Variants in ANKRD30A observed in about 807,000 individuals in gnomAD.
ANKRD30A encodes ankyrin repeat domain-containing protein 30A.
Under a neutral mutation model 166.3 loss-of-function variants are expected in ANKRD30A, and 170 were observed. The observed-to-expected ratio is 1.02, with a 90% CI of 0.90 to 1.16. The LOEUF (loss-of-function observed/expected upper bound fraction) is 1.16. Among genes scored for constraint, ANKRD30A ranks in the 50% most tolerant of loss-of-function variants. ANKRD30A has a pLI of 0.00. For synonymous variants in ANKRD30A, 564 were observed against 508.9 expected (o/e 1.11, Z -1.46); for missense variants, 1,630 against 1,518.0 (o/e 1.07, Z -1.23).
intron 3 of ANKRD30A, 101 bp from the exon 4 acceptor site, chr10:37,132,139 C>A (rs1564464606): frequency 6.4e-6 from 5 of 775,786 alleles, no homozygotes; most frequent in African/African-American, 1.8e-5. Flanking sequence ...GATTTACTTT[C>A]TATTTTATGT....
At chr10:37,127,046 C>CAAAA (rs71007622) in intron 1 of ANKRD30A, among the ~76,000 whole-genome samples, 3 of 16,504 alleles carry the variant, frequency 1.8e-4, no homozygotes, top group Non-Finnish European at 2.7e-4. Context: ...AACTCTGTCT[C>CAAAA]AAAAAAAAAA....
intron 31 of ANKRD30A, among the ~76,000 whole-genome samples, 186 bp from the exon 32 acceptor site, chr10:37,215,995 T>A (rs1842582446): frequency 6.6e-6 from 1 of 151,346 alleles, no homozygotes; most frequent in African/African-American, 2.4e-5. Flanking sequence ...TTTCAGTATA[T>A]TTTAAGCTAA....
intron 13 of ANKRD30A, among the ~76,000 whole-genome samples, chr10:37,155,624 T>A (rs1838309984): frequency 6.6e-6 from 1 of 152,204 alleles, no homozygotes; most frequent in Admixed American, 6.5e-5. Context: ...AGTGTCATGA[T>A]TTGCTCCTGT....
chr10:37,242,837 A>C, the ANKRD30A span, among the ~76,000 whole-genome samples: 1 of 152,190 alleles, frequency 6.6e-6, no homozygotes, highest in Non-Finnish European at 1.5e-5. Flanking sequence ...AGCTCACTGC[A>C]ACAGTACCAG....
chr10:37,225,025 C>T lies in ANKRD30A; in HGVS notation c.4185+5128C>T, dbSNP rs570244286. Among the ~76,000 whole-genome samples the T allele has an allele frequency of 5.3e-4, 80 of 151,330 alleles. 2 individuals carry two copies. The South Asian group carries it at 0.015, about 28-fold the overall frequency. The stretch of plus-strand genomic sequence containing the variant: ...TGATGCTGATCTCTGAGTAAAAATT[C>T]GTATTTAATAATACGCTAGTGTTTT... On this transcript the variant is annotated intron_variant, in intron 34 of 35. Transcript: ENST00000361713.
At chr10:37,241,259 CA>C in the ANKRD30A span, 1 of 149,632 alleles carries the variant, frequency 6.7e-6, no homozygotes, top group Non-Finnish European at 1.5e-5. Context: ...GTTAGTAAAG[CA>C]TCAGAAAAAA....
intron 31 of ANKRD30A, among the ~76,000 whole-genome samples, chr10:37,205,206 A>G (rs1048765447): frequency 6.6e-6 from 1 of 152,062 alleles, no homozygotes; most frequent in Non-Finnish European, 1.5e-5. Flanking sequence ...ACCCAAATAT[A>G]CATCAATGAT....
Position 37,134,005 on chromosome 10 carries a change from T to C in ANKRD30A, c.707T>C (p.Ile236Thr), listed in dbSNP as rs769983012. 3 of 1,613,920 alleles carry C rather than the reference T, an allele frequency of 1.9e-6. No individual in the cohort carries two copies. Among genetic ancestry groups the C allele is most frequent in the African/African-American group, 2.7e-5 (2 of 74,932 alleles). Residue 236 changes from isoleucine to threonine, a missense_variant, in exon 5 of 36, where the codon ATA becomes ACA. Physicochemically the swap from Ile to Thr is moderately conservative, Grantham distance 89 (BLOSUM62 -1). This residue lies in a region of ANKRD30A where 904 missense variants were observed against 818.5 expected (regional missense o/e 1.10). Transcript: ENST00000361713. The stretch of plus-strand genomic sequence containing the variant: ...AATGTTGACGTCTTTGCTGCAGATA[T>C]ATGTGGAGTAACTGCAGAACATTAT... ...QQNVDVFAADICGVTAEHYAV... is the reference protein window; with the variant it reads ...QQNVDVFAADTCGVTAEHYAV...
At position 37,129,531 on chromosome 10, in the gene ANKRD30A, T is replaced by C. The variant is rs947638833; in HGVS notation, c.222-362T>C. ...TCAAAATACTTTGCATAGATTCCCA[T>C]TGAGGCATCATAGTGATAACCTGTG... On this transcript the variant is annotated intron_variant, in intron 1 of 35. Coordinates refer to ENST00000361713, the MANE Select transcript of ANKRD30A (RefSeq NM_052997.3). 2.6e-5 allele frequency among the ~76,000 whole-genome samples: 4 copies of C among 152,200 alleles called. No homozygotes were observed. The South Asian group carries it at 6.2e-4, about 24-fold the overall frequency.
At chr10:37,128,861 C>T (rs562637285) in intron 1 of ANKRD30A, among the ~76,000 whole-genome samples, 7 of 152,176 alleles carry the variant, frequency 4.6e-5, no homozygotes, top group African/African-American at 1.7e-4. Context: ...TAAAATATAA[C>T]TACCAACCGT....
chr10:37,164,825 A>G (rs1242347254), intron 17 of ANKRD30A, among the ~76,000 whole-genome samples: 6 of 152,082 alleles, frequency 3.9e-5, no homozygotes, highest in Non-Finnish European at 4.4e-5. Context: ...GGAGAATAGG[A>G]TATGACTGCT....
intron 27 of ANKRD30A, among the ~76,000 whole-genome samples, chr10:37,195,641 T>C (rs7897685): frequency 0.046 from 7,001 of 152,288 alleles, 235 homozygotes; most frequent in South Asian, 0.061. Flanking sequence ...ACGCCTGTAA[T>C]GCCAGCACGT....
At position 37,138,830 on chromosome 10, in the gene ANKRD30A, C is replaced by T. The variant is rs550867391; in HGVS notation, c.820+2159C>T. Among the ~76,000 whole-genome samples the T allele has an allele frequency of 3.3e-5, 5 of 152,254 alleles. No individual in the cohort carries two copies. The East Asian group carries it at 5.8e-4, about 18-fold the overall frequency. On this transcript the variant is annotated intron_variant, in intron 6 of 35. Transcript: ENST00000361713. ...AGGATATTATCCAGGAGAACTTCCC[C>T]AATCTAGCAAGGCAGGCCAACATTC... is the stretch of plus-strand genomic sequence containing the variant.
In ANKRD30A at chr10:37,199,753, C is replaced by G. The variant is rs1841469717; in HGVS notation, c.2743C>G (p.Gln915Glu). 4 of 1,580,188 alleles carry G rather than the reference C, an allele frequency of 2.5e-6. No individual in the cohort carries two copies. The highest frequency in any genetic ancestry group is 3.5e-6 in the Non-Finnish European group (4 of 1,156,772). The change falls in exon 30 of 36, where the codon CAA becomes GAA. Residue 915 changes from glutamine to glutamate, a missense_variant. Coordinates refer to ENST00000361713, the MANE Select transcript of ANKRD30A (RefSeq NM_052997.3). Reference protein sequence around the residue: ...ADQMFPSESKQKKVEENSWDS... With the variant: ...ADQMFPSESKEKKVEENSWDS... ...TCAGATGTTCCCTTCAGAATCAAAACAAAAGAAGGTTGAAGAAAATTCTTG... is the reference window on the plus strand; with the variant it reads ...TCAGATGTTCCCTTCAGAATCAAAAGAAAAGAAGGTTGAAGAAAATTCTTG...
At chr10:37,205,712 A>T (rs905622340) in intron 31 of ANKRD30A, among the ~76,000 whole-genome samples, 10 of 152,230 alleles carry the variant, frequency 6.6e-5, no homozygotes, top group African/African-American at 2.4e-4. Flanking sequence ...ATAAGCATAT[A>T]TGAGCAGCCA....
At chr10:37,197,566 T>G (rs1261939292) in intron 29 of ANKRD30A, 86 bp downstream of exon 29, 10 of 1,590,248 alleles carry the variant, frequency 6.3e-6, no homozygotes, top group South Asian at 1.1e-5. Flanking sequence ...GCTTTATTTT[T>G]TTCAACTTTG....
intron 8 of ANKRD30A, among the ~76,000 whole-genome samples, chr10:37,146,421 A>G (rs76973669): frequency 7.5e-6 from 1 of 133,474 alleles, no homozygotes; most frequent in Non-Finnish European, 1.7e-5. Context: ...ATCATGAATA[A>G]TTTCAGTGTT....
intron 7 of ANKRD30A, 115 bp from the exon 8 acceptor site, chr10:37,144,880 T>C: frequency 1.5e-6 from 1 of 683,448 alleles, no homozygotes. Flanking sequence ...CAATAGAATA[T>C]ACAGGCTATA....
intron 27 of ANKRD30A, among the ~76,000 whole-genome samples, chr10:37,195,795 C>A (rs11011062): frequency 0.095 from 14,450 of 152,102 alleles, 924 homozygotes; most frequent in African/African-American, 0.16. Flanking sequence ...GGCGATGCTG[C>A]TGCTGGTGGT....
Sources: allele counts gnomAD v4.1 joint callset (sites outside exome capture counted in the v4.1 genomes callset), GRCh38; gene constraint gnomAD v4.1.1; regional missense constraint gnomAD v4.1.1; transcripts MANE v1.5; gene names NCBI Gene and HGNC (gene_info 2026-07-23, HGNC 2026-07-21).